Variants in CACNA2D3 observed in about 807,000 individuals in gnomAD.
CACNA2D3 encodes the protein calcium voltage-gated channel auxiliary subunit alpha2delta 3.
In CACNA2D3, 60 loss-of-function variants were observed where a neutral mutation model predicts 160.6. The observed-to-expected ratio is 0.37, with a 90% CI of 0.30 to 0.46. The LOEUF (loss-of-function observed/expected upper bound fraction) is 0.46. Ranked by LOEUF, CACNA2D3 falls within the 20% of genes least tolerant of loss-of-function variation. CACNA2D3 has a pLI of 1.00. For synonymous variants in CACNA2D3, 558 were observed against 492.9 expected (o/e 1.13, Z -1.75); for missense variants, 1,205 against 1,365.0 (o/e 0.88, Z 1.85).
rs762550479 is a variant in CACNA2D3, at chr3:54,764,289, C to T, written c.1318C>T (p.Arg440Trp). The change falls in exon 13 of 38, where the codon CGG becomes TGG. Residue 440 changes from arginine to tryptophan, a missense_variant. By Grantham distance (101) the Arg-to-Trp change is moderately radical. This residue lies in a region of CACNA2D3 where 911 missense variants were observed against 1,002.2 expected (regional missense o/e 0.91). Transcript: ENST00000474759. The part of the protein sequence containing the change: ...NVMEYLHVLS[R>W]PKVIDQEHDV... ...CATGGAATACCTTCACGTGCTTAGC[C>T]GGCCCAAAGTCATCGACCAGGAGCA... is the stretch of plus-strand genomic sequence containing the variant. The T allele has an allele frequency of 5.6e-6, 9 of 1,613,696 alleles. No homozygotes were observed. Among genetic ancestry groups the T allele is most frequent in the African/African-American group, 4.0e-5 (3 of 74,872 alleles).
chr3:54,464,671 G>A (rs537618861), intron 4 of CACNA2D3, among the ~76,000 whole-genome samples: 116 of 152,316 alleles, frequency 7.6e-4, no homozygotes, highest in Non-Finnish European at 1.1e-3. Flanking sequence ...TCCAAGTGCC[G>A]TCTGTCACCC....
At chr3:55,044,209 T>C (rs1000405644) in intron 35 of CACNA2D3, among the ~76,000 whole-genome samples, 2 of 152,212 alleles carry the variant, frequency 1.3e-5, no homozygotes, top group African/African-American at 2.4e-5. Context: ...CCCTGACATC[T>C]TAACACAACC....
At chr3:54,999,282 C>G (rs951300903) in intron 31 of CACNA2D3, among the ~76,000 whole-genome samples, 8 of 152,062 alleles carry the variant, frequency 5.3e-5, no homozygotes, top group African/African-American at 1.7e-4. Flanking sequence ...CTTCTACTTT[C>G]CTGGCTTTCT....
At chr3:55,053,162 C>T (rs1704269726) in intron 35 of CACNA2D3, among the ~76,000 whole-genome samples, 1 of 152,034 alleles carries the variant, frequency 6.6e-6, no homozygotes, top group African/African-American at 2.4e-5. Flanking sequence ...TTTCTCTCCA[C>T]CTAATTCTAT....
chr3:54,239,742 A>G (rs1457186393), intron 2 of CACNA2D3, among the ~76,000 whole-genome samples: 3 of 152,222 alleles, frequency 2.0e-5, no homozygotes, highest in East Asian at 3.8e-4. Flanking sequence ...GTGGGTAAAT[A>G]TCATGGCTTC....
intron 16 of CACNA2D3, among the ~76,000 whole-genome samples, chr3:54,844,227 A>G (rs554910090): frequency 5.3e-5 from 8 of 152,288 alleles, no homozygotes; most frequent in South Asian, 2.1e-4. Context: ...AGAGGAAGCA[A>G]TGGGCTAAGA....
intron 35 of CACNA2D3, among the ~76,000 whole-genome samples, chr3:55,038,466 T>C (rs574262062): frequency 3.9e-5 from 6 of 152,250 alleles, no homozygotes; most frequent in African/African-American, 1.4e-4. Flanking sequence ...ATGCTATAGA[T>C]GCACATACAA....
At position 54,879,102 on chromosome 3, in the gene CACNA2D3, C is replaced by T; in HGVS notation, c.1782+13C>T. On this transcript the variant is annotated intron_variant, in intron 19 of 37. Coordinates refer to ENST00000474759, the MANE Select transcript of CACNA2D3 (RefSeq NM_018398.3). ...AGTGGACAAAGGGGTACATTTTTCT[C>T]AAACATTTTTGCTGCTTAATTTAAA... The T allele has an allele frequency of 6.4e-7, 1 of 1,559,930 alleles. No individual in the cohort carries two copies. Among genetic ancestry groups the T allele is most frequent in the Admixed American group, 1.9e-5 (1 of 52,896 alleles).
chr3:54,209,557 T>G (rs1701334734), intron 2 of CACNA2D3, among the ~76,000 whole-genome samples: 1 of 152,234 alleles, frequency 6.6e-6, no homozygotes, highest in South Asian at 2.1e-4. Flanking sequence ...GTATGCTCCT[T>G]TACAACTTTA....
At chr3:54,342,651 G>A (rs1332717320) in intron 3 of CACNA2D3, among the ~76,000 whole-genome samples, 2 of 152,096 alleles carry the variant, frequency 1.3e-5, no homozygotes, top group East Asian at 1.9e-4. Context: ...TGATAAGAAC[G>A]GCACTGTACA....
intron 27 of CACNA2D3, among the ~76,000 whole-genome samples, chr3:54,905,792 A>T (rs759638071): frequency 6.6e-6 from 1 of 152,188 alleles, no homozygotes; most frequent in South Asian, 2.1e-4. Flanking sequence ...ACATGTCAGT[A>T]GTGCTGAGAT....
At chr3:54,676,082 A>G (rs1332597356) in intron 11 of CACNA2D3, among the ~76,000 whole-genome samples, 4 of 152,120 alleles carry the variant, frequency 2.6e-5, no homozygotes, top group Non-Finnish European at 4.4e-5. Flanking sequence ...TACTTCCCTG[A>G]GCCTCCAGTT....
chr3:54,850,531 A>G (rs1075354), intron 17 of CACNA2D3, among the ~76,000 whole-genome samples: 75,631 of 152,016 alleles, frequency 0.5, 20,599 homozygotes, highest in Non-Finnish European at 0.63. Flanking sequence ...GGAGCCCTGA[A>G]TAGATCTCCT....
chr3:54,642,130 C>G lies in CACNA2D3; in HGVS notation c.1056C>G (p.Phe352Leu). 6.2e-7 allele frequency: 1 copy of G among 1,603,532 alleles called. No individual in the cohort carries two copies. Among genetic ancestry groups the G allele is most frequent in the Non-Finnish European group, 8.5e-7 (1 of 1,173,164 alleles). Reference protein sequence around the residue: ...LNEAFNILSDFNHTGQGSICS... With the variant: ...LNEAFNILSDLNHTGQGSICS... Reference sequence around the variant, plus strand: ...TTTGAACTTATTTCTTTCCCTAGTTCAACCACACGGGACAAGGAAGTATCT... The same window carrying G: ...TTTGAACTTATTTCTTTCCCTAGTTGAACCACACGGGACAAGGAAGTATCT... The change falls in exon 11 of 38, where the codon TTC becomes TTG. Residue 352 changes from phenylalanine (F) to leucine (L), a missense_variant and splice_region_variant. This residue lies in a region of CACNA2D3 where 911 missense variants were observed against 1,002.2 expected (regional missense o/e 0.91). Transcript: ENST00000474759.
At chr3:54,551,873 A>G (rs1279687480) in intron 5 of CACNA2D3, among the ~76,000 whole-genome samples, 1 of 152,192 alleles carries the variant, frequency 6.6e-6, no homozygotes, top group African/African-American at 2.4e-5. Flanking sequence ...TGTCCTTTCC[A>G]GCCAGAGCCA....
At chr3:54,179,612 T>G (rs1000793677) in intron 2 of CACNA2D3, among the ~76,000 whole-genome samples, 1 of 152,218 alleles carries the variant, frequency 6.6e-6, no homozygotes, top group African/African-American at 2.4e-5. Flanking sequence ...TATTTATATG[T>G]TAAAACCGAA....
intron 3 of CACNA2D3, among the ~76,000 whole-genome samples, chr3:54,342,557 A>T (rs1698377049): frequency 6.6e-6 from 1 of 152,180 alleles, no homozygotes; most frequent in African/African-American, 2.4e-5. Context: ...ACTTAGGAGC[A>T]GGACATCTTC....
At position 54,822,730 on chromosome 3, in the gene CACNA2D3, T is replaced by TTTTCTTTCTTTC. The variant is rs61652736; in HGVS notation, c.1398+5909_1398+5920dup. The stretch of plus-strand genomic sequence containing the variant: ...AGATGCTATTTGCATTTCTTTTTTA[T>TTTTCTTTCTTTC]TTTCTTTCTTTCTTTCTTTCTTTCT... On this transcript the variant is annotated intron_variant, in intron 14 of 37. Coordinates refer to ENST00000474759, the MANE Select transcript of CACNA2D3 (RefSeq NM_018398.3). Among the ~76,000 whole-genome samples, 174 of 104,766 alleles carry TTTTCTTTCTTTC rather than the reference T, an allele frequency of 1.7e-3. 6 individuals carry two copies. Among genetic ancestry groups the TTTTCTTTCTTTC allele is most frequent in the East Asian group, 3.0e-3 (10 of 3,320 alleles). 68.7% of individuals were successfully genotyped at this position (104,766 alleles called of 152,430 possible). A position where few individuals can be genotyped will look rare whatever the true frequency, so the allele number is the denominator to read the frequency against.
At chr3:54,704,022 G>A (rs1271978911) in intron 11 of CACNA2D3, among the ~76,000 whole-genome samples, 2 of 152,176 alleles carry the variant, frequency 1.3e-5, no homozygotes, top group African/African-American at 4.8e-5. Context: ...TCTTTGAAAA[G>A]CAAGTGGTTT....
Sources: gnomAD v4.1 joint callset for allele counts (sites outside exome capture counted in the v4.1 genomes callset) on GRCh38, gnomAD v4.1.1 for gene constraint, gnomAD v4.1.1 regional missense constraint, MANE v1.5 for transcripts, NCBI Gene and HGNC (gene_info 2026-07-23, HGNC 2026-07-21) for gene names.